ATXN8OS: variants seen among roughly 807,000 people sequenced by gnomAD.
ATXN8OS encodes the protein ATXN8 opposite strand lncRNA, also known as ATXN8 opposite strand (non-protein coding).
At chr13:70,143,084 G>C (rs1030743439) in intron 3 of ATXN8OS, among the ~76,000 whole-genome samples, 11 of 149,946 alleles carry the variant, frequency 7.3e-5, no homozygotes, top group African/African-American at 2.4e-4. Context: ...AAAAAAAATC[G>C]TAAATGTACA....
chr13:70,148,031 G>C (rs1011510472), intron 4 of ATXN8OS, among the ~76,000 whole-genome samples: 4 of 152,152 alleles, frequency 2.6e-5, no homozygotes, highest in East Asian at 1.9e-4. Flanking sequence ...CTGAAGAGTT[G>C]AAGTCAGCTT....
intron 4 of ATXN8OS, among the ~76,000 whole-genome samples, chr13:70,161,177 A>G (rs1889004764): frequency 6.6e-6 from 1 of 152,030 alleles, no homozygotes; most frequent in African/African-American, 2.4e-5. Flanking sequence ...CTAAGGTTAA[A>G]CTGAAAAATT....
intron 4 of ATXN8OS, among the ~76,000 whole-genome samples, chr13:70,164,748 T>C (rs916594168): frequency 3.9e-5 from 6 of 152,046 alleles, no homozygotes; most frequent in African/African-American, 1.4e-4. Context: ...CCAGTTTCCT[T>C]TGTTCAAGTT....
chr13:70,119,777 C>CA (rs549948102), intron 2 of ATXN8OS, among the ~76,000 whole-genome samples: 194 of 151,762 alleles, frequency 1.3e-3, no homozygotes, highest in African/African-American at 4.4e-3. Context: ...TTGTCATGCT[C>CA]AAAAAAACTT....
At chr13:70,167,851 T>A (rs966604329) in intron 4 of ATXN8OS, among the ~76,000 whole-genome samples, 19 of 143,002 alleles carry the variant, frequency 1.3e-4, no homozygotes, top group African/African-American at 4.7e-4. Context: ...TTCTCCCACC[T>A]CAGCCTCCCG....
chr13:70,168,477 G>A (rs1006555531), intron 4 of ATXN8OS, among the ~76,000 whole-genome samples: 2 of 151,706 alleles, frequency 1.3e-5, no homozygotes, highest in African/African-American at 4.8e-5. Flanking sequence ...CTATCTTTCT[G>A]TATGTTTGTA....
At chr13:70,111,521 C>T (rs1430045686) in intron 1 of ATXN8OS, among the ~76,000 whole-genome samples, 1 of 152,044 alleles carries the variant, frequency 6.6e-6, no homozygotes, top group East Asian at 1.9e-4. Context: ...CCATGATAAC[C>T]CATTAATACA....
intron 1 of ATXN8OS, among the ~76,000 whole-genome samples, chr13:70,112,605 T>C (rs940112474): frequency 2.0e-5 from 3 of 152,128 alleles, no homozygotes; most frequent in South Asian, 2.1e-4. Flanking sequence ...TAGGTATTCA[T>C]TGATCCCCAG....
intron 3 of ATXN8OS, among the ~76,000 whole-genome samples, chr13:70,137,188 T>C (rs751625099): frequency 1.4e-4 from 21 of 152,346 alleles, no homozygotes; most frequent in Middle Eastern, 3.4e-3. Context: ...GTTTATTTCT[T>C]TAAAAATCTT....
At chr13:70,109,091 A>C (rs975108203) in intron 1 of ATXN8OS, among the ~76,000 whole-genome samples, 4 of 152,252 alleles carry the variant, frequency 2.6e-5, no homozygotes, top group Non-Finnish European at 5.9e-5. Flanking sequence ...TTCAAGGTAT[A>C]ACCTTCTAGT....
chr13:70,116,463 G>A lies in ATXN8OS; in HGVS notation n.398+1165G>A, dbSNP rs534199319. On this transcript the variant is annotated intron_variant and non_coding_transcript_variant, in intron 2 of 4. Coordinates refer to ENST00000678624, the Ensembl canonical transcript of ATXN8OS. The stretch of plus-strand genomic sequence containing the variant: ...CATAGCAGAAGGAATAGAAAAGCAA[G>A]GGCCTGGGGCCATGATAAAGTTTGG... Among the ~76,000 whole-genome samples the A allele has an allele frequency of 4.6e-5, 7 of 152,248 alleles. No homozygotes were observed. In the East Asian group the frequency reaches 1.4e-3, roughly 29 times the overall value.
intron 4 of ATXN8OS, among the ~76,000 whole-genome samples, chr13:70,165,645 T>G (rs1593779577): frequency 6.6e-6 from 1 of 151,900 alleles, no homozygotes; most frequent in Admixed American, 6.6e-5. Flanking sequence ...AAACTAAAAA[T>G]AGAAATATCA....
At chr13:70,170,707 T>C (rs1401283441) in exon 5 of ATXN8OS, among the ~76,000 whole-genome samples, 1 of 152,144 alleles carries the variant, frequency 6.6e-6, no homozygotes, top group East Asian at 1.9e-4. Context: ...TTTATTTACA[T>C]ATAAAATGAA....
intron 3 of ATXN8OS, among the ~76,000 whole-genome samples, chr13:70,135,484 ATGGTATACT>A (rs934828297): frequency 6.6e-6 from 1 of 151,482 alleles, no homozygotes; most frequent in African/African-American, 2.4e-5. Flanking sequence ...GTCTATTCCT[ATGGTATACT>A]TGGCCATCGT....
intron 4 of ATXN8OS, among the ~76,000 whole-genome samples, chr13:70,167,772 G>T (rs1889095835): frequency 1.8e-5 from 2 of 110,102 alleles, no homozygotes; most frequent in Non-Finnish European, 3.3e-5. Flanking sequence ...GTCTCGCTCT[G>T]TTGCCCAGGC....
chr13:70,110,612 A>G (rs1161492244), intron 1 of ATXN8OS, among the ~76,000 whole-genome samples: 1 of 151,996 alleles, frequency 6.6e-6, no homozygotes, highest in African/African-American at 2.4e-5. Flanking sequence ...AGAGACAGGA[A>G]AGGAGGAAGG....
At chr13:70,168,593 A>T (rs1317296676) in intron 4 of ATXN8OS, among the ~76,000 whole-genome samples, 14 of 138,462 alleles carry the variant, frequency 1.0e-4, no homozygotes, top group Non-Finnish European at 1.6e-4. Flanking sequence ...CTGTGACATC[A>T]TTTTTTTTTT....
intron 1 of ATXN8OS, among the ~76,000 whole-genome samples, chr13:70,108,820 C>T (rs1888149651): frequency 6.6e-6 from 1 of 152,172 alleles, no homozygotes; most frequent in Non-Finnish European, 1.5e-5. Context: ...CTTAGTTTCT[C>T]TGTAGTGAGA....
exon 5 of ATXN8OS, among the ~76,000 whole-genome samples, chr13:70,170,621 C>T (rs1269640630): frequency 6.6e-6 from 1 of 152,042 alleles, no homozygotes; most frequent in Non-Finnish European, 1.5e-5. Context: ...GTTTTAAATT[C>T]CAGAAAGCTG....
Sources: allele counts gnomAD v4.1 joint callset (sites outside exome capture counted in the v4.1 genomes callset), GRCh38; gene constraint gnomAD v4.1.1; transcripts MANE v1.5; gene names NCBI Gene and HGNC (gene_info 2026-07-23, HGNC 2026-07-21).